The following RBP2 variants were observed in gnomAD, a reference collection of about 807,000 sequenced individuals.
RBP2 encodes the protein retinol binding protein 2.
RBP2 carries 17 observed loss-of-function variants against 17.0 expected under a neutral mutation model. That is an observed-to-expected ratio of 1.00 (90% CI 0.68 to 1.50). RBP2 has a LOEUF of 1.50. RBP2 is among the 40% of genes most tolerant of loss of function. The pLI, the probability that RBP2 is intolerant of heterozygous loss-of-function variation, is 0.00. For missense variants in RBP2, 158 were observed against 168.2 expected, an observed-to-expected ratio of 0.94 and a Z score of 0.33; for synonymous variants, 48 against 57.1, an observed-to-expected ratio of 0.84 and a Z score of 0.72.
At chr3:139,466,037 G>A (rs1402810075) in intron 1 of RBP2, among the ~76,000 whole-genome samples, 2 of 152,098 alleles carry the variant, frequency 1.3e-5, no homozygotes, top group South Asian at 2.1e-4. Context: ...CAGCTCCATC[G>A]GATGTTTGGT....
intron 1 of RBP2, among the ~76,000 whole-genome samples, chr3:139,474,957 A>G (rs1033150999): frequency 6.6e-6 from 1 of 152,092 alleles, no homozygotes; most frequent in Non-Finnish European, 1.5e-5. Flanking sequence ...CCTCCTCCCA[A>G]CTATATTGAG....
At chr3:139,475,663 C>T (rs1198241128) in intron 1 of RBP2, among the ~76,000 whole-genome samples, 2 of 152,198 alleles carry the variant, frequency 1.3e-5, no homozygotes, top group African/African-American at 4.8e-5. Flanking sequence ...AAGCCCCTTG[C>T]TCAGCACCTG....
At chr3:139,461,595 A>G (rs1933192856) in intron 2 of RBP2, among the ~76,000 whole-genome samples, 2 of 152,028 alleles carry the variant, frequency 1.3e-5, no homozygotes, top group Admixed American at 1.3e-4. Flanking sequence ...ATCAGCTGGG[A>G]TCATCTATAA....
chr3:139,475,580 A>G (rs1933712823), intron 1 of RBP2, among the ~76,000 whole-genome samples: 2 of 152,038 alleles, frequency 1.3e-5, no homozygotes, highest in Admixed American at 1.3e-4. Context: ...AAGTTACCCC[A>G]TATGTGGAGA....
chr3:139,471,954 T>C (rs1328339181), intron 1 of RBP2, among the ~76,000 whole-genome samples: 1 of 152,242 alleles, frequency 6.6e-6, no homozygotes, highest in Non-Finnish European at 1.5e-5. Context: ...GTGAAGTTCA[T>C]GTGCAGCACA....
At chr3:139,453,612 G>A (rs1943347910) in intron 3 of RBP2, among the ~76,000 whole-genome samples, 1 of 152,220 alleles carries the variant, frequency 6.6e-6, no homozygotes, top group Admixed American at 6.5e-5. Flanking sequence ...TGGTGGCGCA[G>A]GTACCCGCAG....
chr3:139,462,411 T>TGTTTCCCACTTAAGCA, intron 1 of RBP2, 121 bp from the exon 2 acceptor site: 1 of 1,045,602 alleles, frequency 9.6e-7, no homozygotes. Context: ...TGTCTTTGCT[T>TGTTTCCCACTTAAGCA]AAGTGGGAAA....
At position 139,460,694 on chromosome 3, in the gene RBP2, G is replaced by GGGGCA. The variant is rs1249634574; in HGVS notation, c.252+1413_252+1417dup. On this transcript the variant is annotated intron_variant, in intron 2 of 3. Transcript: ENST00000232217. ...GGGAAGATCAGGACTCATGGTGAGG[G>GGGGCA]GGGCAGGGCAGGGCAGAGGGTGTTG... Among the ~76,000 whole-genome samples, 6 of 152,262 alleles carry GGGGCA rather than the reference G, an allele frequency of 3.9e-5. No homozygotes were observed. In the East Asian group the frequency reaches 1.2e-3, roughly 29 times the overall value.
chr3:139,471,245 A>G (rs892564889), intron 1 of RBP2, among the ~76,000 whole-genome samples: 1 of 152,206 alleles, frequency 6.6e-6, no homozygotes, highest in Non-Finnish European at 1.5e-5. Context: ...AATGCATATA[A>G]AGCTCTAGTG....
chr3:139,463,309 C>T (rs544420582), intron 1 of RBP2, among the ~76,000 whole-genome samples: 100 of 152,186 alleles, frequency 6.6e-4, no homozygotes, highest in African/African-American at 2.4e-3. Flanking sequence ...GCCTCAGCCT[C>T]CCAAGTAGCT....
At chr3:139,471,258 A>G (rs533548543) in intron 1 of RBP2, among the ~76,000 whole-genome samples, 2 of 152,322 alleles carry the variant, frequency 1.3e-5, no homozygotes, top group South Asian at 4.1e-4. Flanking sequence ...CTCTAGTGTG[A>G]TGTGTATCAT....
rs116816222 is a variant in RBP2 at position 139,466,263 on chromosome 3, C to T, written c.74-3973G>A. Among the ~76,000 whole-genome samples the T allele has an allele frequency of 4.4e-3, 675 of 152,260 alleles. 7 individuals carry two copies. Among genetic ancestry groups the T allele is most frequent in the African/African-American group, 0.016 (657 of 41,540 alleles). ...GAGGAATATGCAGTCTGCCAGGTGT[C>T]CCGACACAACTTACTATGGAAAGGG... On this transcript the variant is annotated intron_variant, in intron 1 of 3. Transcript: ENST00000232217.
rs1426951687 is a variant in RBP2 at position 139,462,303 on chromosome 3, G to T, written c.74-13C>A. 29 of 1,613,570 alleles carry T rather than the reference G, an allele frequency of 1.8e-5. No homozygotes were observed. The highest frequency in any genetic ancestry group is 2.1e-5 in the Non-Finnish European group (25 of 1,179,718). ...GCAAAATCAATATCTGTTGGCAAAG[G>T]GAGTTGTGGAGGTTATGATGTGCTC... On this transcript the variant is annotated splice_polypyrimidine_tract_variant and intron_variant, in intron 1 of 3. Coordinates refer to ENST00000232217, the MANE Select transcript of RBP2 (RefSeq NM_004164.3).
intron 2 of RBP2, among the ~76,000 whole-genome samples, chr3:139,459,846 G>T (rs1933126974): frequency 6.6e-6 from 1 of 151,868 alleles, no homozygotes; most frequent in African/African-American, 2.4e-5. Context: ...GTGTGTGTGT[G>T]TGTGTGTGTG....
At position 139,453,038 on chromosome 3, in the gene RBP2, C is replaced by T; in HGVS notation, c.*78G>A. Reference sequence around the variant, plus strand: ...TCTGTCAAGAGTGGGAAGGTCCCCACAGCTGTTTCTCAAAGCCAGTAGACC... The same window carrying T: ...TCTGTCAAGAGTGGGAAGGTCCCCATAGCTGTTTCTCAAAGCCAGTAGACC... On this transcript the variant is annotated 3_prime_UTR_variant, in exon 4 of 4. Coordinates refer to ENST00000232217, the MANE Select transcript of RBP2 (RefSeq NM_004164.3). 1 of 1,554,952 alleles carries T rather than the reference C, an allele frequency of 6.4e-7. No homozygotes were observed. Among genetic ancestry groups the T allele is most frequent in the Admixed American group, 1.7e-5 (1 of 59,904 alleles).
At chr3:139,474,385 C>CTT (rs1933660478) in intron 1 of RBP2, among the ~76,000 whole-genome samples, 1 of 152,108 alleles carries the variant, frequency 6.6e-6, no homozygotes, top group South Asian at 2.1e-4. Flanking sequence ...TCACCTTAAG[C>CTT]CTAGAGAGGT....
intron 1 of RBP2, among the ~76,000 whole-genome samples, chr3:139,468,984 A>G (rs1301726409): frequency 6.6e-6 from 1 of 152,226 alleles, no homozygotes. Flanking sequence ...AATACAAGCC[A>G]TAAAGGTGAA....
chr3:139,475,205 A>G (rs1482474618), intron 1 of RBP2, among the ~76,000 whole-genome samples: 1 of 151,632 alleles, frequency 6.6e-6, no homozygotes, highest in Admixed American at 6.6e-5. Context: ...CTGTAGTCCC[A>G]GCTACTCTGG....
intron 2 of RBP2, among the ~76,000 whole-genome samples, chr3:139,460,934 A>C (rs552606483): frequency 1.3e-5 from 2 of 152,280 alleles, no homozygotes; most frequent in East Asian, 3.9e-4. Context: ...GACAGTGAAC[A>C]GTCAATTGCA....
Sources: allele counts gnomAD v4.1 joint callset (sites outside exome capture counted in the v4.1 genomes callset), GRCh38; gene constraint gnomAD v4.1.1; transcripts MANE v1.5; gene names NCBI Gene and HGNC (gene_info 2026-07-23, HGNC 2026-07-21).